ATP11C: variants seen among roughly 807,000 people sequenced by gnomAD.
ATP11C encodes the protein ATPase phospholipid transporting 11C (ATP11C blood group).
A neutral mutation model predicts 97.4 loss-of-function variants in ATP11C; 36 were observed. The observed-to-expected ratio is 0.37, with a 90% CI of 0.28 to 0.49. ATP11C has a LOEUF of 0.49. Among genes scored for constraint, ATP11C ranks in the 20% least tolerant of loss-of-function variants. The pLI is 0.98. For synonymous variants in ATP11C, 275 were observed against 290.9 expected, an observed-to-expected ratio of 0.95 and a Z score of 0.56; for missense variants, 730 against 824.6, an observed-to-expected ratio of 0.89 and a Z score of 1.40.
At chrX:139,823,960 G>GA (rs929058589) in intron 2 of ATP11C, among the ~76,000 whole-genome samples, 4 of 108,329 alleles carry the variant, frequency 3.7e-5, no homozygotes, top group African/African-American at 1.0e-4. Flanking sequence ...CAAACAGTAA[G>GA]AAAAAAAATC....
chrX:139,857,534 G>A (rs1383388439), intron 1 of ATP11C, among the ~76,000 whole-genome samples: 1 of 110,766 alleles, frequency 9.0e-6, no homozygotes, highest in Non-Finnish European at 1.9e-5. Context: ...CCTGCTACCT[G>A]CTCTGCCCTG....
At chrX:139,804,683 G>T in intron 5 of ATP11C, 84 bp from the exon 6 acceptor site, 1 of 782,543 alleles carries the variant, frequency 1.3e-6, no homozygotes. Context: ...ACATTAGCAA[G>T]AGATTATCTC....
At chrX:139,834,018 C>T (rs2083706907) in intron 1 of ATP11C, among the ~76,000 whole-genome samples, 1 of 111,729 alleles carries the variant, frequency 9.0e-6, no homozygotes, top group African/African-American at 3.3e-5. Flanking sequence ...ACTGGGCCAG[C>T]ATGGAACTAG....
intron 1 of ATP11C, among the ~76,000 whole-genome samples, chrX:139,852,563 G>A (rs935598496): frequency 1.7e-4 from 17 of 100,347 alleles, no homozygotes; most frequent in Non-Finnish European, 3.2e-4. Context: ...GATAAGCCGC[G>A]GGAGCCGTAA....
intron 8 of ATP11C, 70 bp from the exon 9 acceptor site, chrX:139,798,813 C>T (rs1030404262): frequency 2.4e-5 from 19 of 791,784 alleles, no homozygotes; most frequent in Non-Finnish European, 3.2e-5. Flanking sequence ...ACAGATTTTG[C>T]CCTGACACAC....
At chrX:139,733,483 A>T (rs1418758078) in intron 28 of ATP11C, among the ~76,000 whole-genome samples, 1 of 112,422 alleles carries the variant, frequency 8.9e-6, no homozygotes, top group Non-Finnish European at 1.9e-5. Context: ...ATAAACAATT[A>T]AACTTTCAAA....
intron 1 of ATP11C, among the ~76,000 whole-genome samples, chrX:139,849,494 G>A (rs1460075046): frequency 9.0e-6 from 1 of 111,423 alleles, no homozygotes; most frequent in Non-Finnish European, 1.9e-5. Flanking sequence ...TTAACATCTA[G>A]AGCAAGGCCT....
chrX:139,925,876 G>C (rs770919479), intron 1 of ATP11C, among the ~76,000 whole-genome samples: 1 of 111,229 alleles, frequency 9.0e-6, no homozygotes, highest in Non-Finnish European at 1.9e-5. Context: ...GGAAATCCAC[G>C]GTCCATTATC....
At chrX:139,758,679 G>A (rs1290900393) in intron 22 of ATP11C, among the ~76,000 whole-genome samples, 1 of 112,145 alleles carries the variant, frequency 8.9e-6, no homozygotes, top group Admixed American at 9.4e-5. Flanking sequence ...ACCAGCACGA[G>A]AATTTTCAAA....
rs1339816601 is a variant in ATP11C at position 139,727,644 on chromosome X, T to G, written c.*1322A>C. ...GGTACAATATAAACATTAATAATAG[T>G]ACAGGCATGCCAGAAAGACAAAAAA... On this transcript the variant is annotated 3_prime_UTR_variant, in exon 30 of 30. Transcript: ENST00000682941. The G allele has an allele frequency of 9.2e-6, 1 of 108,372 alleles. No homozygotes were observed. Among genetic ancestry groups the G allele is most frequent in the African/African-American group, 3.4e-5 (1 of 29,633 alleles). The allele number at this position is 108,372 out of a possible 1,213,427, so 8.9% of individuals were successfully genotyped here.
At chrX:139,744,395 A>G (rs972986332) in intron 25 of ATP11C, among the ~76,000 whole-genome samples, 1 of 112,129 alleles carries the variant, frequency 8.9e-6, no homozygotes, top group African/African-American at 3.2e-5. Context: ...ATACAGTAAA[A>G]CCTTATTAAT....
intron 1 of ATP11C, among the ~76,000 whole-genome samples, chrX:139,838,669 T>G (rs2083782594): frequency 8.9e-6 from 1 of 112,452 alleles, no homozygotes; most frequent in African/African-American, 3.2e-5. Flanking sequence ...GTGGAAACAG[T>G]CTGGTGCAGT....
intron 1 of ATP11C, chrX:139,910,050 A>C (rs964604078): frequency 8.9e-6 from 1 of 112,847 alleles, no homozygotes; most frequent in Non-Finnish European, 1.9e-5. Flanking sequence ...AAGTTTGAAA[A>C]AGACAGTTAC....
chrX:139,801,005 T>C (rs928329411), intron 7 of ATP11C, among the ~76,000 whole-genome samples: 2 of 111,875 alleles, frequency 1.8e-5, no homozygotes, highest in Non-Finnish European at 3.8e-5. Context: ...AAATAGGCAA[T>C]TACGACGCAA....
At position 139,800,131 on chromosome X, in the gene ATP11C, CA is replaced by C. The variant is rs765049914; in HGVS notation, c.660-22del. The C allele has an allele frequency of 1.4e-4, 155 of 1,134,646 alleles. 1 individual carries two copies. In the South Asian group the frequency reaches 2.8e-3, roughly 20 times the overall value. 93.5% of individuals were successfully genotyped at this position (1,134,646 alleles called of 1,213,427 possible). ...CAAATCTGTAAAAAGAACAAAATTG[CA>C]AATGTGTTTTCTACATCCAGGTGAA... On this transcript the variant is annotated intron_variant, in intron 7 of 29. Transcript: ENST00000682941.
chrX:139,790,668 A>C (rs2082674100), intron 12 of ATP11C, among the ~76,000 whole-genome samples: 1 of 111,816 alleles, frequency 8.9e-6, no homozygotes, highest in Non-Finnish European at 1.9e-5. Flanking sequence ...ACATCATATA[A>C]TATACATAAG....
chrX:139,902,868 GAGA>G (rs903419991), intron 1 of ATP11C, among the ~76,000 whole-genome samples: 5 of 111,940 alleles, frequency 4.5e-5, no homozygotes, highest in African/African-American at 1.3e-4. Flanking sequence ...TACCAACGGA[GAGA>G]AGGAGAAATA....
At chrX:139,784,361 C>CTTTGCAATCACACCACAAAGTATGAAT (rs1437396795) in intron 16 of ATP11C, among the ~76,000 whole-genome samples, 2 of 111,556 alleles carry the variant, frequency 1.8e-5, no homozygotes, top group Non-Finnish European at 3.8e-5. Flanking sequence ...AATTTCATGA[C>CTTTGCAATCACACCACAAAGTATGAAT]TTTGCAATCA....
chrX:139,739,171 C>G (rs1280818412), intron 27 of ATP11C, among the ~76,000 whole-genome samples: 1 of 110,859 alleles, frequency 9.0e-6, no homozygotes, highest in Non-Finnish European at 1.9e-5. Context: ...TGAAGAACAC[C>G]TTGAATAATG....
Sources: allele counts gnomAD v4.1 joint callset (sites outside exome capture counted in the v4.1 genomes callset), GRCh38; gene constraint gnomAD v4.1.1; transcripts MANE v1.5; gene names NCBI Gene and HGNC (gene_info 2026-07-23, HGNC 2026-07-21).